The following ROBO2 variants were observed in gnomAD, a reference collection of about 807,000 sequenced individuals.
ROBO2 encodes the protein roundabout guidance receptor 2.
Under a neutral mutation model 160.8 loss-of-function variants are expected in ROBO2, and 53 were observed. That is an observed-to-expected ratio of 0.33 (90% CI 0.26 to 0.41). The LOEUF (loss-of-function observed/expected upper bound fraction) is 0.41, where lower values mean the gene tolerates loss of function less well. Among genes scored for constraint, ROBO2 ranks in the 10% least tolerant of loss-of-function variants. The probability of loss-of-function intolerance (pLI) is 1.00; values close to 1 mark genes in which losing one functional copy is unlikely to be tolerated. For missense variants in ROBO2, 1,577 were observed against 1,722.4 expected (o/e 0.92, Z 1.49); for synonymous variants, 664 against 611.7 (o/e 1.09, Z -1.26).
intron 20 of ROBO2, among the ~76,000 whole-genome samples, chr3:77,604,337 T>G (rs926008044): frequency 6.6e-6 from 1 of 152,182 alleles, no homozygotes; most frequent in Non-Finnish European, 1.5e-5. Flanking sequence ...TCCTTTTTAT[T>G]TCATTAAAGA....
intron 2 of ROBO2, among the ~76,000 whole-genome samples, chr3:77,158,923 C>T (rs1235220620): frequency 3.3e-5 from 5 of 152,090 alleles, no homozygotes; most frequent in African/African-American, 9.7e-5. Flanking sequence ...GCCACATTTT[C>T]ACCGTTTACC....
chr3:77,382,655 GTGA>G (rs2073656745), intron 2 of ROBO2, among the ~76,000 whole-genome samples: 1 of 152,124 alleles, frequency 6.6e-6, no homozygotes, highest in Non-Finnish European at 1.5e-5. Context: ...CCACTTACAA[GTGA>G]GAACATACAG....
intron 2 of ROBO2, among the ~76,000 whole-genome samples, chr3:76,933,661 T>C (rs888615634): frequency 7.2e-5 from 11 of 152,220 alleles, no homozygotes; most frequent in African/African-American, 1.9e-4. Context: ...GTTTGGATTG[T>C]TGGACTCATA....
chr3:76,436,649 G>A (rs1249632690), intron 2 of ROBO2, among the ~76,000 whole-genome samples: 1 of 151,386 alleles, frequency 6.6e-6, no homozygotes, highest in Non-Finnish European at 1.5e-5. Context: ...AAGTTATACA[G>A]AAAATAGAAT....
intron 2 of ROBO2, among the ~76,000 whole-genome samples, chr3:77,355,468 G>C (rs1017845688): frequency 6.6e-6 from 1 of 152,108 alleles, no homozygotes; most frequent in African/African-American, 2.4e-5. Context: ...GTAATTGTGG[G>C]AGTGGGGTTG....
chr3:76,153,199 T>A lies in ROBO2; in HGVS notation c.109+215597T>A, dbSNP rs2072275140. Among the ~76,000 whole-genome samples the A allele has an allele frequency of 2.0e-5, 3 of 152,100 alleles. No homozygotes were observed. The South Asian group carries it at 6.2e-4, about 32-fold the overall frequency. ...ATTATACTCTTGAGAGGACTCACAT[T>A]TGAGGAAACATTTTTCTTTACAGTG... On this transcript the variant is annotated intron_variant, in intron 2 of 26. Coordinates refer to the ROBO2 transcript ENST00000487694.
At chr3:77,434,502 T>C (rs185389872) in intron 2 of ROBO2, among the ~76,000 whole-genome samples, 1 of 152,248 alleles carries the variant, frequency 6.6e-6, no homozygotes, top group African/African-American at 2.4e-5. Context: ...ATGTGCCGAC[T>C]GAATGAATGA....
At chr3:76,733,490 C>A (rs1345933165) in intron 2 of ROBO2, among the ~76,000 whole-genome samples, 4 of 152,188 alleles carry the variant, frequency 2.6e-5, no homozygotes, top group African/African-American at 9.7e-5. Context: ...GCAATGATGT[C>A]TACATCTTAT....
intron 2 of ROBO2, among the ~76,000 whole-genome samples, chr3:76,344,255 T>C (rs2074394566): frequency 6.6e-6 from 1 of 152,184 alleles, no homozygotes; most frequent in South Asian, 2.1e-4. Context: ...CAAGGGTATT[T>C]ACACTTCAGG....
intron 2 of ROBO2, among the ~76,000 whole-genome samples, chr3:76,997,703 T>G (rs1323237852): frequency 1.3e-5 from 2 of 152,180 alleles, no homozygotes; most frequent in East Asian, 3.9e-4. Flanking sequence ...CAGTTTTACA[T>G]AATGTATCCT....
At chr3:76,507,168 TA>T (rs1248262680) in intron 2 of ROBO2, among the ~76,000 whole-genome samples, 1 of 152,040 alleles carries the variant, frequency 6.6e-6, no homozygotes, top group African/African-American at 2.4e-5. Context: ...GGGCATAAAT[TA>T]AAGGTACTTA....
chr3:77,606,208 A>C (rs2094523027), intron 20 of ROBO2, among the ~76,000 whole-genome samples: 1 of 107,718 alleles, frequency 9.3e-6, no homozygotes, highest in Non-Finnish European at 2.2e-5. Flanking sequence ...TCTAAGATAG[A>C]GGATATGGGG....
rs752530938 is a variant in ROBO2, at chr3:77,551,003, A to T, written c.1231+14A>T. ...AGGTTACTGATGGTGCGATATCTTTACTAGATTTGTCTTATGAAAACATTG... is the reference window on the plus strand; with the variant it reads ...AGGTTACTGATGGTGCGATATCTTTTCTAGATTTGTCTTATGAAAACATTG... On this transcript the variant is annotated intron_variant, in intron 8 of 25. Coordinates refer to ENST00000461745, the Ensembl canonical transcript of ROBO2. 1 of 1,611,990 alleles carries T rather than the reference A, an allele frequency of 6.2e-7. No homozygotes were observed. Among genetic ancestry groups the T allele is most frequent in the Non-Finnish European group, 8.5e-7 (1 of 1,178,578 alleles).
chr3:75,973,673 AC>A (rs2107381043), intron 2 of ROBO2, among the ~76,000 whole-genome samples: 1 of 151,754 alleles, frequency 6.6e-6, no homozygotes, highest in South Asian at 2.1e-4. Context: ...AGAAAAGGAA[AC>A]TAATTTTATA....
At chr3:75,994,663 A>C (rs2065673781) in intron 2 of ROBO2, among the ~76,000 whole-genome samples, 1 of 152,190 alleles carries the variant, frequency 6.6e-6, no homozygotes, top group African/African-American at 2.4e-5. Context: ...GCAATGTAAA[A>C]ATGGACTAAT....
At chr3:76,491,937 A>T (rs2079846481) in intron 2 of ROBO2, among the ~76,000 whole-genome samples, 1 of 152,116 alleles carries the variant, frequency 6.6e-6, no homozygotes, top group African/African-American at 2.4e-5. Context: ...TCTACTAAAA[A>T]TACAAACAAA....
intron 2 of ROBO2, among the ~76,000 whole-genome samples, chr3:76,651,819 T>C (rs1473655032): frequency 2.0e-5 from 3 of 152,196 alleles, no homozygotes. Context: ...TTGGACCTCA[T>C]AGAAGTGTAT....
At chr3:76,581,913 C>G (rs569736349) in intron 2 of ROBO2, among the ~76,000 whole-genome samples, 1 of 152,238 alleles carries the variant, frequency 6.6e-6, no homozygotes, top group East Asian at 1.9e-4. Context: ...GAATTTGTCT[C>G]TAATTCACAT....
At chr3:77,461,757 C>T (rs1308733419) in intron 2 of ROBO2, among the ~76,000 whole-genome samples, 2 of 147,054 alleles carry the variant, frequency 1.4e-5, no homozygotes, top group African/African-American at 5.0e-5. Context: ...GAGACAGAGT[C>T]TCTCTCTGTT....
Sources: allele counts gnomAD v4.1 joint callset (sites outside exome capture counted in the v4.1 genomes callset), GRCh38; gene constraint gnomAD v4.1.1; transcripts MANE v1.5; gene names NCBI Gene and HGNC (gene_info 2026-07-23, HGNC 2026-07-21).